Variants in ANK3 observed in about 807,000 individuals in gnomAD.
The protein encoded by ANK3 is ankyrin-3.
A neutral mutation model predicts 370.9 loss-of-function variants in ANK3; 57 were observed. That is an observed-to-expected ratio of 0.15 (90% CI 0.12 to 0.19). ANK3 has a LOEUF of 0.19. Among genes scored for constraint, ANK3 ranks in the 10% least tolerant of loss-of-function variants. The pLI is 1.00. For synonymous variants in ANK3, 1,929 were observed against 1,946.3 expected (o/e 0.99, Z 0.23); for missense variants, 4,439 against 5,302.1 (o/e 0.84, Z 5.06).
At chr10:60,401,797 A>T (rs1465113290) in intron 2 of ANK3, among the ~76,000 whole-genome samples, 3 of 152,204 alleles carry the variant, frequency 2.0e-5, no homozygotes, top group African/African-American at 7.2e-5. Context: ...TGAGAGAAAC[A>T]ATGCTATAAA....
chr10:60,146,142 G>C, intron 23 of ANK3: 1 of 1,368,676 alleles, frequency 7.3e-7, no homozygotes, highest in Non-Finnish European at 9.7e-7. Flanking sequence ...ACATAAGTCT[G>C]CCATGTAGAT....
chr10:60,068,419 G>A (rs1019331357), intron 37 of ANK3, among the ~76,000 whole-genome samples: 1 of 152,190 alleles, frequency 6.6e-6, no homozygotes, highest in African/African-American at 2.4e-5. Context: ...TTCCCTAGCT[G>A]TCTACCGTGT....
intron 1 of ANK3, among the ~76,000 whole-genome samples, chr10:60,321,657 C>T (rs2048696432): frequency 6.6e-6 from 1 of 152,186 alleles, no homozygotes; most frequent in Non-Finnish European, 1.5e-5. Flanking sequence ...AGTGCAGAAA[C>T]TGAAATTAGA....
intron 1 of ANK3, among the ~76,000 whole-genome samples, chr10:60,694,280 AC>A (rs2079407192): frequency 6.6e-6 from 1 of 152,246 alleles, no homozygotes; most frequent in South Asian, 2.1e-4. Context: ...TGATTGGTGT[AC>A]CTGAAAGTGA....
rs138926454 is a variant in ANK3 at position 60,419,160 on chromosome 10, A to G, written c.97-139521T>C. Among the ~76,000 whole-genome samples the G allele has an allele frequency of 3.0e-3, 453 of 152,304 alleles. 3 individuals carry two copies. Among genetic ancestry groups the G allele is most frequent in the African/African-American group, 0.01 (422 of 41,558 alleles). On this transcript the variant is annotated intron_variant, in intron 2 of 43. Coordinates refer to the ANK3 transcript ENST00000373827. ...TGGAAACATTTACAAATGTCCCACA[A>G]GCTCATTTTAAAAATCCATTGGAAA...
At chr10:60,544,224 T>C (rs1289764169) in intron 2 of ANK3, among the ~76,000 whole-genome samples, 1 of 152,116 alleles carries the variant, frequency 6.6e-6, no homozygotes, top group African/African-American at 2.4e-5. Flanking sequence ...ACTTAATGTG[T>C]CCTGGCAGGA....
chr10:60,518,297 C>T (rs1428292769), intron 2 of ANK3, among the ~76,000 whole-genome samples: 1 of 152,164 alleles, frequency 6.6e-6, no homozygotes, highest in East Asian at 1.9e-4. Flanking sequence ...CAAGCTCCTA[C>T]TTCCCGGCAG....
intron 1 of ANK3, among the ~76,000 whole-genome samples, chr10:60,663,306 C>G (rs1318867203): frequency 1.3e-5 from 2 of 152,204 alleles, no homozygotes; most frequent in African/African-American, 4.8e-5. Context: ...GCAGATTCCA[C>G]TGAGAAGGCT....
chr10:60,237,566 G>C (rs2097352445), intron 7 of ANK3, among the ~76,000 whole-genome samples: 1 of 150,956 alleles, frequency 6.6e-6, no homozygotes, highest in African/African-American at 2.4e-5. Context: ...ATGTGTAGAT[G>C]ACAAAAAGGT....
intron 2 of ANK3, among the ~76,000 whole-genome samples, chr10:60,498,135 CCTTT>C (rs1166637012): frequency 6.6e-6 from 1 of 152,146 alleles, no homozygotes; most frequent in Non-Finnish European, 1.5e-5. Context: ...ACCTTTTTCT[CCTTT>C]CTGTCTTTGA....
chr10:60,040,870 C>T lies in ANK3; in HGVS notation c.*19+1802G>A, dbSNP rs113423903. 6.3e-4 allele frequency among the ~76,000 whole-genome samples: 96 copies of T among 152,226 alleles called. 1 individual carries two copies. The highest frequency in any genetic ancestry group is 2.1e-3 in the African/African-American group (87 of 41,538). On this transcript the variant is annotated intron_variant, in intron 43 of 43. Coordinates refer to ENST00000280772, the MANE Select transcript of ANK3 (RefSeq NM_020987.5). ...AGATGACTGACCTCTTTTCTACTTT[C>T]GTTTCATTTTTCACTTAGAATTGCA... is the stretch of plus-strand genomic sequence containing the variant.
chr10:60,424,192 C>G (rs1403404754), intron 2 of ANK3, among the ~76,000 whole-genome samples: 1 of 152,012 alleles, frequency 6.6e-6, no homozygotes, highest in African/African-American at 2.4e-5. Context: ...TTGGCCAGCA[C>G]AGCTCCAGTC....
intron 1 of ANK3, among the ~76,000 whole-genome samples, chr10:60,328,282 A>G (rs1004023190): frequency 1.2e-4 from 18 of 152,234 alleles, no homozygotes; most frequent in Admixed American, 3.9e-4. Context: ...TTATGAAATC[A>G]GTTATAAGAT....
intron 2 of ANK3, among the ~76,000 whole-genome samples, chr10:60,612,225 G>C (rs768026379): frequency 3.3e-5 from 5 of 152,076 alleles, no homozygotes; most frequent in Non-Finnish European, 5.9e-5. Context: ...TATCTCTGTC[G>C]AGTTCAGAGC....
chr10:60,150,286 T>C (rs1256498852), intron 23 of ANK3, among the ~76,000 whole-genome samples: 4 of 152,172 alleles, frequency 2.6e-5, no homozygotes, highest in African/African-American at 9.6e-5. Flanking sequence ...TGTGCTTTCC[T>C]GTCTCTGACA....
At chr10:60,638,641 C>A (rs1025257305) in intron 1 of ANK3, among the ~76,000 whole-genome samples, 4 of 151,590 alleles carry the variant, frequency 2.6e-5, no homozygotes, top group African/African-American at 9.7e-5. Context: ...TATTCTCAAG[C>A]CTATAAAGGA....
intron 1 of ANK3, among the ~76,000 whole-genome samples, chr10:60,383,128 C>T (rs2061775699): frequency 6.6e-6 from 1 of 152,022 alleles, no homozygotes; most frequent in Non-Finnish European, 1.5e-5. Context: ...GGTTCCAAGA[C>T]CAGGTATTTC....
chr10:60,282,763 T>C (rs988286786), intron 1 of ANK3, among the ~76,000 whole-genome samples: 1 of 152,154 alleles, frequency 6.6e-6, no homozygotes, highest in Non-Finnish European at 1.5e-5. Context: ...TTTTCTTCAC[T>C]TTCCTTGGCC....
intron 1 of ANK3, among the ~76,000 whole-genome samples, chr10:60,709,388 C>T (rs1191652526): frequency 6.6e-6 from 1 of 151,992 alleles, no homozygotes; most frequent in African/African-American, 2.4e-5. Context: ...GGGCACCCAC[C>T]CTTGAGCAAT....
Sources: allele counts gnomAD v4.1 joint callset (sites outside exome capture counted in the v4.1 genomes callset), GRCh38; gene constraint gnomAD v4.1.1; transcripts MANE v1.5; gene names NCBI Gene and HGNC (gene_info 2026-07-23, HGNC 2026-07-21).